Variants in TLN2 observed in about 807,000 individuals in gnomAD.
The protein encoded by TLN2 is talin 2, also known as talin-2.
A neutral mutation model predicts 294.7 loss-of-function variants in TLN2; 118 were observed. The observed-to-expected ratio is 0.40, with a 90% confidence interval of 0.34 to 0.47. TLN2 has a LOEUF of 0.47. TLN2 is among the 20% of genes least tolerant of loss of function. The pLI is 0.84. For missense variants in TLN2, 3,083 were observed against 3,282.2 expected (o/e 0.94, Z 1.48); for synonymous variants, 1,431 against 1,304.5 (o/e 1.10, Z -2.09).
intron 3 of TLN2, chr15:62,637,311 G>A (rs2050477069): frequency 6.6e-6 from 1 of 152,148 alleles, no homozygotes; most frequent in Admixed American, 6.5e-5. Flanking sequence ...AGAATTCAAA[G>A]TCAGAGTTCA....
chr15:62,797,769 G>T (rs926445958), intron 48 of TLN2, among the ~76,000 whole-genome samples: 1 of 152,208 alleles, frequency 6.6e-6, no homozygotes, highest in Non-Finnish European at 1.5e-5. Context: ...TGGGCAGGGG[G>T]AGGTGGAGGA....
At chr15:62,753,724 C>T (rs1394221694) in intron 35 of TLN2, 49 bp from the exon 36 acceptor site, 1 of 1,554,030 alleles carries the variant, frequency 6.4e-7, no homozygotes, top group South Asian at 1.2e-5. Context: ...CCAGCAGGCT[C>T]ACCTAGGAGC....
chr15:62,431,422 T>C (rs1377438554), intron 1 of TLN2, among the ~76,000 whole-genome samples: 1 of 152,230 alleles, frequency 6.6e-6, no homozygotes, highest in African/African-American at 2.4e-5. Flanking sequence ...TGTGCACTGA[T>C]GACATGTTAA....
At chr15:62,738,887 T>C (rs2061169891) in intron 30 of TLN2, among the ~76,000 whole-genome samples, 1 of 152,340 alleles carries the variant, frequency 6.6e-6, no homozygotes, top group South Asian at 2.1e-4. Flanking sequence ...TAAAAGTTAT[T>C]AGCAAAGGCC....
intron 40 of TLN2, 85 bp downstream of exon 40, chr15:62,763,780 T>C: frequency 3.5e-6 from 5 of 1,440,368 alleles, no homozygotes; most frequent in Non-Finnish European, 4.6e-6. Flanking sequence ...GTAGAGGTTG[T>C]AGGGCCAAAA....
intron 1 of TLN2, among the ~76,000 whole-genome samples, chr15:62,587,558 A>G (rs574630845): frequency 2.2e-4 from 33 of 152,280 alleles, no homozygotes; most frequent in African/African-American, 7.5e-4. Context: ...ATTGTTTTCA[A>G]TGTCTATGTG....
chr15:62,642,145 T>C (rs1234185143), intron 3 of TLN2, among the ~76,000 whole-genome samples: 2 of 152,168 alleles, frequency 1.3e-5, no homozygotes, highest in Non-Finnish European at 1.5e-5. Context: ...AGGGCAGAAA[T>C]GGTCAGAGTG....
intron 1 of TLN2, among the ~76,000 whole-genome samples, chr15:62,531,028 A>G (rs1042120603): frequency 6.6e-6 from 1 of 152,064 alleles, no homozygotes; most frequent in South Asian, 2.1e-4. Context: ...TATAGTATGT[A>G]TTGCCATTCA....
intron 1 of TLN2, among the ~76,000 whole-genome samples, chr15:62,549,985 A>G (rs1567085994): frequency 6.6e-6 from 1 of 152,128 alleles, no homozygotes; most frequent in African/African-American, 2.4e-5. Flanking sequence ...TTTAATCTAC[A>G]CTTTCTAGCT....
intron 28 of TLN2, among the ~76,000 whole-genome samples, chr15:62,733,551 A>G (rs972064248): frequency 2.0e-5 from 3 of 152,326 alleles, no homozygotes; most frequent in Non-Finnish European, 2.9e-5. Flanking sequence ...ACCCTTTGTA[A>G]ATACTTTGGA....
Position 62,797,216 on chromosome 15 carries a change from C to T in TLN2, c.6051-3C>T. 6.2e-7 allele frequency: 1 copy of T among 1,614,080 alleles called. No homozygotes were observed. Among genetic ancestry groups the T allele is most frequent in the Non-Finnish European group, 8.5e-7 (1 of 1,180,038 alleles). Reference sequence around the variant, plus strand: ...CTCTCCCCTGCCCTCCTGGCTCTCTCAGGGAGAACATTCTCAAGACGGCCA... The same window carrying T: ...CTCTCCCCTGCCCTCCTGGCTCTCTTAGGGAGAACATTCTCAAGACGGCCA... On this transcript the variant is annotated splice_polypyrimidine_tract_variant and splice_region_variant and intron_variant, in intron 47 of 58. Coordinates refer to ENST00000636159, the MANE Select transcript of TLN2 (RefSeq NM_015059.3).
At chr15:62,726,661 C>A (rs2060457963) in intron 27 of TLN2, among the ~76,000 whole-genome samples, 1 of 152,116 alleles carries the variant, frequency 6.6e-6, no homozygotes, top group Non-Finnish European at 1.5e-5. Context: ...GGATGTCTGC[C>A]CACTTCCTGC....
intron 1 of TLN2, among the ~76,000 whole-genome samples, chr15:62,551,733 A>G (rs546793964): frequency 6.6e-6 from 1 of 152,300 alleles, no homozygotes; most frequent in South Asian, 2.1e-4. Context: ...GACTGGCTCT[A>G]TGTTTTACAA....
intron 1 of TLN2, among the ~76,000 whole-genome samples, chr15:62,534,835 T>C (rs527492915): frequency 6.6e-6 from 1 of 152,266 alleles, no homozygotes; most frequent in South Asian, 2.1e-4. Context: ...GTCAGGAAAC[T>C]AGGAACAAGA....
rs1214724625 is a variant in TLN2 at position 62,737,041 on chromosome 15, C to T, written c.3522C>T (p.Ala1174=). 1 of 1,614,162 alleles carries T rather than the reference C, an allele frequency of 6.2e-7. No individual in the cohort carries two copies. Among genetic ancestry groups the T allele is most frequent in the East Asian group, 2.2e-5 (1 of 44,866 alleles). Residue 1174 remains alanine, a synonymous_variant, in exon 29 of 59, where the codon GCC becomes GCT. Transcript: ENST00000636159. The part of the protein sequence containing the change: ...SAMLIQEAKQ[A]LIAPGDAERQ... ...TGCTCATTCAAGAGGCCAAGCAGGC[C>T]CTGATTGCACCTGGAGATGCAGAGC...
chr15:62,746,662 G>C (rs2061629789), intron 32 of TLN2, among the ~76,000 whole-genome samples: 1 of 152,094 alleles, frequency 6.6e-6, no homozygotes, highest in Non-Finnish European at 1.5e-5. Flanking sequence ...AATAAAATGA[G>C]GCATCTTTTA....
chr15:62,694,795 T>TA (rs1165372149), intron 14 of TLN2, among the ~76,000 whole-genome samples: 1 of 152,074 alleles, frequency 6.6e-6, no homozygotes, highest in African/African-American at 2.4e-5. Flanking sequence ...GTGGCGGAGT[T>TA]ACGGTGAAGC....
intron 1 of TLN2, among the ~76,000 whole-genome samples, chr15:62,580,272 C>G (rs867182771): frequency 1.3e-5 from 2 of 152,298 alleles, no homozygotes. Flanking sequence ...CTACTGTACC[C>G]ATAGCTTCCC....
rs1166046640 is a variant in TLN2 at position 62,491,351 on chromosome 15, T to TACACACACAC, written c.-237-98300_-237-98291dup. Among the ~76,000 whole-genome samples the TACACACACAC allele has an allele frequency of 1.3e-3, 128 of 100,302 alleles. 1 individual carries two copies. Among genetic ancestry groups the TACACACACAC allele is most frequent in the Admixed American group, 1.7e-3 (15 of 8,866 alleles). 65.8% of individuals were successfully genotyped at this position (100,302 alleles called of 152,430 possible). A position where few individuals can be genotyped will look rare whatever the true frequency, so the allele number is the denominator to read the frequency against. ...CAAAAAAAAAAAATATATATATATATACACACACACACACACACACACACA... is the reference window on the plus strand; with the variant it reads ...CAAAAAAAAAAAATATATATATATATACACACACACACACACACACACACACACACACACA... On this transcript the variant is annotated intron_variant, in intron 1 of 58. Transcript: ENST00000636159.
Sources: allele counts gnomAD v4.1 joint callset (sites outside exome capture counted in the v4.1 genomes callset), GRCh38; gene constraint gnomAD v4.1.1; transcripts MANE v1.5; gene names NCBI Gene and HGNC (gene_info 2026-07-23, HGNC 2026-07-21).